Variants in RUNX2 observed in about 807,000 individuals in gnomAD.
RUNX2 encodes the protein runt-related transcription factor 2.
RUNX2 carries 10 observed loss-of-function variants against 51.7 expected under a neutral mutation model. The observed-to-expected ratio is 0.19, with a 90% CI of 0.12 to 0.33. The LOEUF is 0.33. RUNX2 is among the 10% of genes least tolerant of loss of function. RUNX2 has a pLI of 1.00. For synonymous variants in RUNX2, 276 were observed against 273.6 expected (o/e 1.01, Z -0.09); for missense variants, 562 against 691.3 (o/e 0.81, Z 2.10).
chr6:45,527,539 T>C (rs932440099), intron 7 of RUNX2, among the ~76,000 whole-genome samples: 2 of 152,166 alleles, frequency 1.3e-5, no homozygotes, highest in African/African-American at 2.4e-5. Context: ...GCTTTAGTAA[T>C]GTTTTCTCCC....
chr6:45,501,744 T>A (rs968708201), intron 6 of RUNX2, among the ~76,000 whole-genome samples: 1 of 152,194 alleles, frequency 6.6e-6, no homozygotes, highest in African/African-American at 2.4e-5. Flanking sequence ...GGAGACAGTT[T>A]TTTAGTGAGC....
intron 6 of RUNX2, among the ~76,000 whole-genome samples, chr6:45,508,123 C>A (rs1801028363): frequency 6.6e-6 from 1 of 151,470 alleles, no homozygotes; most frequent in African/African-American, 2.4e-5. Flanking sequence ...GTTTGGAGAC[C>A]ATGGCTTTTG....
At chr6:45,418,788 T>G (rs1798117131) in intron 2 of RUNX2, among the ~76,000 whole-genome samples, 1 of 152,182 alleles carries the variant, frequency 6.6e-6, no homozygotes. Flanking sequence ...ACCTGAAACG[T>G]TGTTAGGGTA....
chr6:45,392,997 A>C (rs771108692), intron 2 of RUNX2, among the ~76,000 whole-genome samples: 14 of 152,110 alleles, frequency 9.2e-5, no homozygotes, highest in Non-Finnish European at 1.8e-4. Context: ...GCCCATCAAA[A>C]GCATTCTTTA....
chr6:45,350,494 A>G (rs1246289314), intron 2 of RUNX2, among the ~76,000 whole-genome samples: 4 of 152,202 alleles, frequency 2.6e-5, no homozygotes, highest in Non-Finnish European at 2.9e-5. Flanking sequence ...ATTGGTTTAC[A>G]TTTTGGCTCA....
At chr6:45,403,512 C>G (rs550697927) in intron 2 of RUNX2, among the ~76,000 whole-genome samples, 25 of 152,154 alleles carry the variant, frequency 1.6e-4, no homozygotes, top group African/African-American at 5.6e-4. Flanking sequence ...GGATTACAGG[C>G]GTGAGCCACT....
intron 3 of RUNX2, among the ~76,000 whole-genome samples, chr6:45,428,468 A>C (rs535284151): frequency 2.4e-4 from 36 of 152,310 alleles, no homozygotes; most frequent in African/African-American, 4.1e-4. Flanking sequence ...CAGAAAAAAA[A>C]CCAATATATT....
chr6:45,423,926 G>A (rs1408907673), intron 3 of RUNX2, among the ~76,000 whole-genome samples: 1 of 152,250 alleles, frequency 6.6e-6, no homozygotes, highest in Non-Finnish European at 1.5e-5. Context: ...AGGGATGAGG[G>A]AAACCTGTGG....
At chr6:45,357,388 T>C (rs552841938) in intron 2 of RUNX2, among the ~76,000 whole-genome samples, 2 of 152,104 alleles carry the variant, frequency 1.3e-5, no homozygotes, top group East Asian at 1.9e-4. Flanking sequence ...TGGAGAACAG[T>C]GGCAGGATCA....
chr6:45,433,797 G>A (rs1798608849), intron 4 of RUNX2, among the ~76,000 whole-genome samples: 1 of 152,108 alleles, frequency 6.6e-6, no homozygotes, highest in Non-Finnish European at 1.5e-5. Flanking sequence ...TAAAAAAAAA[G>A]ACAGACTTAA....
intron 2 of RUNX2, among the ~76,000 whole-genome samples, chr6:45,358,631 A>G (rs930912702): frequency 1.3e-5 from 2 of 152,194 alleles, no homozygotes; most frequent in African/African-American, 4.8e-5. Context: ...TTTTAATTCA[A>G]TCATCTCATT....
chr6:45,493,675 A>G (rs1362098155), intron 6 of RUNX2, among the ~76,000 whole-genome samples: 1 of 151,950 alleles, frequency 6.6e-6, no homozygotes, highest in East Asian at 1.9e-4. Flanking sequence ...TAGACTTTAG[A>G]TTATTCATTA....
chr6:45,541,026 A>G (rs750205256), intron 7 of RUNX2, among the ~76,000 whole-genome samples: 2 of 152,214 alleles, frequency 1.3e-5, no homozygotes, highest in Non-Finnish European at 2.9e-5. Context: ...TTTGAATTAC[A>G]TTTTAGGTTT....
intron 2 of RUNX2, among the ~76,000 whole-genome samples, chr6:45,355,361 T>C (rs150179710): frequency 1.7e-3 from 259 of 152,172 alleles, no homozygotes; most frequent in Non-Finnish European, 1.3e-3. Context: ...TAATATAAAC[T>C]GTCTCTATGA....
At chr6:45,403,160 A>C (rs58571027) in intron 2 of RUNX2, among the ~76,000 whole-genome samples, 11,802 of 147,824 alleles carry the variant, frequency 0.08, 595 homozygotes, top group South Asian at 0.18. Context: ...TTAAGGATTT[A>C]TTTTATTTAT....
intron 7 of RUNX2, among the ~76,000 whole-genome samples, chr6:45,527,850 T>G (rs965365263): frequency 1.3e-5 from 2 of 152,272 alleles, no homozygotes; most frequent in Non-Finnish European, 1.5e-5. Flanking sequence ...TGTACAATGA[T>G]GAGATGAATT....
At chr6:45,334,883 T>C (rs1268645151) in intron 2 of RUNX2, among the ~76,000 whole-genome samples, 2 of 151,292 alleles carry the variant, frequency 1.3e-5, no homozygotes, top group Non-Finnish European at 3.0e-5. Context: ...ATTAGGCATC[T>C]ACTAGGAATT....
At chr6:45,372,968 G>A (rs577740901) in intron 2 of RUNX2, among the ~76,000 whole-genome samples, 1 of 151,930 alleles carries the variant, frequency 6.6e-6, no homozygotes, top group Non-Finnish European at 1.5e-5. Context: ...GCCAAGACAC[G>A]CGGCTAATTT....
In RUNX2 at chr6:45,347,888, A is replaced by T. The variant is rs79208576; in HGVS notation, c.58+19104A>T. Among the ~76,000 whole-genome samples, 1,124 of 152,258 alleles carry T rather than the reference A, an allele frequency of 7.4e-3. 14 individuals are homozygous for T. Among genetic ancestry groups the T allele is most frequent in the African/African-American group, 0.025 (1,052 of 41,562 alleles). On this transcript the variant is annotated intron_variant, in intron 2 of 8. Transcript: ENST00000647337. ...TACATGCCTACTGAAATAATGAAACAGAATGTCAGTATGGTTACCTGTGAA... is the reference window on the plus strand; with the variant it reads ...TACATGCCTACTGAAATAATGAAACTGAATGTCAGTATGGTTACCTGTGAA...
Sources: gnomAD v4.1 joint callset for allele counts (sites outside exome capture counted in the v4.1 genomes callset) on GRCh38, gnomAD v4.1.1 for gene constraint, MANE v1.5 for transcripts, NCBI Gene and HGNC (gene_info 2026-07-23, HGNC 2026-07-21) for gene names.